Variants in NBPF14 observed in about 807,000 individuals in gnomAD.
The protein encoded by NBPF14 is NBPF member 14, also known as NBPF family member NBPF14.
Under a neutral mutation model 91.2 loss-of-function variants are expected in NBPF14, and 104 were observed. That is an observed-to-expected ratio of 1.14 (90% CI 0.97 to 1.34). The LOEUF (loss-of-function observed/expected upper bound fraction) is 1.34. NBPF14 is among the 40% of genes most tolerant of loss of function. NBPF14 has a pLI of 0.00. For synonymous variants in NBPF14, 294 were observed against 303.8 expected (o/e 0.97, Z 0.34); for missense variants, 908 against 783.0 (o/e 1.16, Z -1.91).
intron 15 of NBPF14, among the ~76,000 whole-genome samples, 165 bp downstream of exon 15, chr1:148,577,018 C>T (rs1376224247): frequency 2.7e-4 from 39 of 144,516 alleles, no homozygotes; most frequent in Middle Eastern, 3.6e-3. Flanking sequence ...CATCCCTTGT[C>T]TGGGCTTCCA....
At chr1:148,575,779 G>A in exon 17 of NBPF14, 1 of 302,206 alleles carries the variant, frequency 3.3e-6, no homozygotes, top group East Asian at 6.7e-5. Context: ...CAAGACTTCA[G>A]GCTCTTTCTC....
exon 7 of NBPF14, chr1:148,589,381 G>A: frequency 1.1e-5 from 1 of 92,450 alleles, no homozygotes; most frequent in South Asian, 6.3e-5. Context: ...GGCAGAAGAG[G>A]TGGGGCCAGG....
At chr1:148,557,224 A>G (rs1656777036) in intron 40 of NBPF14, among the ~76,000 whole-genome samples, 1 of 86,028 alleles carries the variant, frequency 1.2e-5, no homozygotes. Context: ...ATAATTTTCC[A>G]TAAAATGTGC....
At chr1:148,577,985 G>T (rs1405765366) in exon 14 of NBPF14, 5 of 618,516 alleles carry the variant, frequency 8.1e-6, no homozygotes, top group South Asian at 7.5e-5. Context: ...AGACTCACCT[G>T]GGACCTGTTG....
At chr1:148,557,784 T>A (rs1656942674) in intron 39 of NBPF14, among the ~76,000 whole-genome samples, 1 of 117,650 alleles carries the variant, frequency 8.5e-6, no homozygotes, top group Non-Finnish European at 1.6e-5. Context: ...ATCCCAAGTT[T>A]GTGCAAACAG....
intron 29 of NBPF14, among the ~76,000 whole-genome samples, chr1:148,565,817 A>G (rs1658164509): frequency 2.4e-4 from 3 of 12,426 alleles, no homozygotes; most frequent in Non-Finnish European, 3.1e-4. Context: ...AGACACTGAA[A>G]TTAGAGTGAA....
intron 34 of NBPF14, among the ~76,000 whole-genome samples, chr1:148,561,821 A>T (rs1437055950): frequency 8.9e-5 from 11 of 123,484 alleles, no homozygotes; most frequent in African/African-American, 5.0e-4. Context: ...ACACACACAG[A>T]GAGAGAGAGA....
chr1:148,593,187 A>G (rs1662779575), intron 3 of NBPF14, among the ~76,000 whole-genome samples: 1 of 147,792 alleles, frequency 6.8e-6, no homozygotes, highest in Non-Finnish European at 1.5e-5. Flanking sequence ...TGAAAGAAGA[A>G]AAGAAGGACA....
chr1:148,535,304 A>C (rs1287231864), intron 68 of NBPF14, 149 bp downstream of exon 68: 2 of 621,684 alleles, frequency 3.2e-6, no homozygotes, highest in Non-Finnish European at 2.8e-6. Flanking sequence ...AAACCTAAAC[A>C]TCTACTGCAA....
rs1205120776 is a variant in NBPF14, at chr1:148,559,804, A to G, written c.4718T>C (p.Val1573Ala). 25 of 1,521,978 alleles carry G rather than the reference A, an allele frequency of 1.6e-5. 2 individuals are homozygous for G. The highest frequency in any genetic ancestry group is 2.4e-4 in the Middle Eastern group (1 of 4,208). The allele number at this position is 1,521,978 out of a possible 1,614,324, so 94.3% of individuals were successfully genotyped here. Residue 1573 changes from valine (V) to alanine (A), a missense_variant, in exon 37 of 71, where the codon GTT becomes GCT. Coordinates refer to ENST00000619423, the Ensembl canonical transcript of NBPF14. ...AGAAAGGTACTCACCATCCATGTCA[A>G]CAGCCAAGCCAACACGCTGCTGCTC...
intron 6 of NBPF14, among the ~76,000 whole-genome samples, chr1:148,590,040 CTT>C (rs1196401979): frequency 1.6e-4 from 12 of 76,348 alleles, no homozygotes; most frequent in African/African-American, 6.5e-4. Context: ...CAGAGACTTA[CTT>C]TTTTTTTTTT....
intron 16 of NBPF14, among the ~76,000 whole-genome samples, 152 bp from the exon 17 acceptor site, chr1:148,575,963 T>A (rs1352507141): frequency 7.5e-6 from 1 of 132,826 alleles, no homozygotes; most frequent in Non-Finnish European, 1.6e-5. Flanking sequence ...TATGTTGGGA[T>A]AGACCAGGGC....
intron 10 of NBPF14, among the ~76,000 whole-genome samples, chr1:148,584,918 GGAT>G (rs1244388644): frequency 6.9e-6 from 1 of 145,010 alleles, no homozygotes; most frequent in Non-Finnish European, 1.5e-5. Context: ...GAGCTGAGGA[GGAT>G]GAAGACTCAG....
intron 33 of NBPF14, 139 bp from the exon 34 acceptor site, chr1:148,562,426 G>A: frequency 2.2e-5 from 1 of 45,406 alleles, no homozygotes; most frequent in Non-Finnish European, 3.6e-5. Context: ...ACTTCAGGAG[G>A]CCTGAAAGCT....
In NBPF14 at chr1:148,533,491, A is replaced by T. The variant is rs1177433085; in HGVS notation, c.8724-243T>A. 1.3e-3 allele frequency among the ~76,000 whole-genome samples: 190 copies of T among 151,800 alleles called. 3 individuals are homozygous for T. Among genetic ancestry groups the T allele is most frequent in the African/African-American group, 4.3e-3 (178 of 41,244 alleles). On this transcript the variant is annotated intron_variant, in intron 70 of 70. Coordinates refer to ENST00000619423, the Ensembl canonical transcript of NBPF14. ...GAGACAGAGAGAAAGTGACCTAGTG[A>T]ATTGGCCAGGTGACATACTGGTAAG...
intron 69 of NBPF14, among the ~76,000 whole-genome samples, chr1:148,534,403 G>C (rs1553332198): frequency 1.3e-5 from 2 of 151,746 alleles, no homozygotes; most frequent in Admixed American, 6.6e-5. Flanking sequence ...CAAAATCACA[G>C]TTCTCTGAAT....
rs1284907120 is a variant in NBPF14, at chr1:148,592,744, A to C, written c.301T>G (p.Ser101Ala). ...AGCTGGGTCAGCTCTCGTTCCTGAG[A>C]GTGAACCAGGACTTTATATTGCCTA... Residue 101 changes from serine to alanine, a missense_variant, in exon 4 of 71, where the codon TCT (serine) becomes GCT (alanine). Ser to Ala is a moderately conservative substitution (Grantham distance 99). Around this residue, in one of 13 missense-constraint regions of NBPF14, gnomAD observed 61 missense variants for 56.4 expected, o/e 1.08. Coordinates refer to ENST00000619423, the Ensembl canonical transcript of NBPF14. The C allele has an allele frequency of 6.1e-5, 97 of 1,585,202 alleles. 11 individuals carry two copies. The highest frequency in any genetic ancestry group is 4.4e-4 in the South Asian group (39 of 89,600).
intron 70 of NBPF14, among the ~76,000 whole-genome samples, chr1:148,533,526 G>C (rs1470551027): frequency 6.6e-6 from 1 of 150,748 alleles, no homozygotes; most frequent in Non-Finnish European, 1.5e-5. Flanking sequence ...GGGAGTCAAA[G>C]GACACTCTGA....
intron 28 of NBPF14, among the ~76,000 whole-genome samples, chr1:148,566,534 C>A (rs1446827557): frequency 8.2e-6 from 1 of 121,982 alleles, no homozygotes; most frequent in Non-Finnish European, 1.9e-5. Context: ...CACACACACA[C>A]ACACACAAAC....
Sources: gnomAD v4.1 joint callset for allele counts (sites outside exome capture counted in the v4.1 genomes callset) on GRCh38, gnomAD v4.1.1 for gene constraint, gnomAD v4.1.1 regional missense constraint, MANE v1.5 for transcripts, NCBI Gene and HGNC (gene_info 2026-07-23, HGNC 2026-07-21) for gene names.